Variants in ERCC1 observed in about 807,000 individuals in gnomAD.
ERCC1 encodes DNA excision repair protein ERCC-1.
Under a neutral mutation model 37.6 loss-of-function variants are expected in ERCC1, and 36 were observed. The observed-to-expected ratio is 0.96, with a 90% CI of 0.73 to 1.26. The LOEUF (loss-of-function observed/expected upper bound fraction) is 1.26. Among genes scored for constraint, ERCC1 ranks in the 50% most tolerant of loss-of-function variants. ERCC1 has a pLI of 0.00. For missense variants in ERCC1, 349 were observed against 376.5 expected, an observed-to-expected ratio of 0.93 and a Z score of 0.60; for synonymous variants, 156 against 162.1, an observed-to-expected ratio of 0.96 and a Z score of 0.28.
At chr19:45,411,364 C>T (rs932220225) in intron 9 of ERCC1, among the ~76,000 whole-genome samples, 1 of 152,054 alleles carries the variant, frequency 6.6e-6, no homozygotes, top group African/African-American at 2.4e-5. Flanking sequence ...TTAGAGGAGC[C>T]TCCAAACTGT....
intron 9 of ERCC1, among the ~76,000 whole-genome samples, chr19:45,412,017 C>T (rs1435782263): frequency 1.3e-5 from 2 of 151,528 alleles, no homozygotes; most frequent in Admixed American, 6.6e-5. Context: ...CCACCACACC[C>T]AGCTAATTTT....
At chr19:45,436,027 A>C (rs1233686482) in intron 1 of ERCC1, among the ~76,000 whole-genome samples, 1 of 152,030 alleles carries the variant, frequency 6.6e-6, no homozygotes, top group African/African-American at 2.4e-5. Context: ...CATCCTCCCA[A>C]AGTGCTGAGA....
Position 45,407,485 on chromosome 19 carries a change from G to A in ERCC1, c.*2190C>T. The A allele has an allele frequency of 6.4e-6, 3 of 465,868 alleles. No individual in the cohort carries two copies. The highest frequency in any genetic ancestry group is 1.1e-5 in the Non-Finnish European group (3 of 266,642). 28.9% of individuals were successfully genotyped at this position (465,868 alleles called of 1,614,324 possible). Reference sequence around the variant, plus strand: ...AGTTAAACTTGGAGTGTGCAGATAAGCTCACTAAAGGTAGGGGCTATTGGT... The same window carrying A: ...AGTTAAACTTGGAGTGTGCAGATAAACTCACTAAAGGTAGGGGCTATTGGT... On this transcript the variant is annotated 3_prime_UTR_variant, in exon 10 of 10. Coordinates refer to ENST00000300853, the MANE Select transcript of ERCC1 (RefSeq NM_001983.4).
At chr19:45,443,770 T>A (rs926663645) in intron 1 of ERCC1, among the ~76,000 whole-genome samples, 4 of 151,912 alleles carry the variant, frequency 2.6e-5, no homozygotes, top group Non-Finnish European at 4.4e-5. Context: ...TGATTCACCC[T>A]TGTTTCCGGC....
Position 45,439,563 on chromosome 19 carries a change from A to G in ERCC1, c.-7-16182T>C, listed in dbSNP as rs565610293. On this transcript the variant is annotated intron_variant, in intron 1 of 8. Coordinates refer to the ERCC1 transcript ENST00000423698. Reference sequence around the variant, plus strand: ...AATAATCATAATCATAATAAAAATAAATGAATAGATAAGCTGAGACGGACT... The same window carrying G: ...AATAATCATAATCATAATAAAAATAGATGAATAGATAAGCTGAGACGGACT... 2.0e-5 allele frequency among the ~76,000 whole-genome samples: 3 copies of G among 152,254 alleles called. No individual in the cohort carries two copies. In the South Asian group the frequency reaches 6.2e-4, roughly 32 times the overall value.
Position 45,420,379 on chromosome 19 carries a change from C to A in ERCC1, c.370G>T (p.Gly124Cys), listed in dbSNP as rs1238215160. Residue 124 changes from glycine (G) to cysteine (C), a missense_variant, in exon 4 of 10, where the codon GGC becomes TGC. Transcript: ENST00000300853. The surrounding 1 kb of genome is among the most constrained non-coding windows in gnomAD (Gnocchi z 4.8). ...KFVRNVPWEF[G>C]DVIPDYVLGQ... ...AGCACATAGTCGGGAATTACGTCGC[C>A]AAATTCCCAGGGCACATTGCGCACG... 1.8e-5 allele frequency: 29 copies of A among 1,613,940 alleles called. No individual in the cohort carries two copies. The highest frequency in any genetic ancestry group is 2.5e-5 in the Non-Finnish European group (29 of 1,179,926).
chr19:45,416,636 T>G, intron 6 of ERCC1, 185 bp downstream of exon 6: 1 of 523,526 alleles, frequency 1.9e-6, no homozygotes, highest in Non-Finnish European at 3.3e-6. Flanking sequence ...AGGCTCTGTA[T>G]CAAAAAAAAA....
chr19:45,423,943 AG>A (rs1974601190), upstream of ERCC1: 1 of 1,093,010 alleles, frequency 9.1e-7, no homozygotes, highest in Non-Finnish European at 1.1e-6. Flanking sequence ...GCTCCCCAGG[AG>A]AGTAGAGCAT....
chr19:45,445,350 G>A (rs1030409639), intron 1 of ERCC1, among the ~76,000 whole-genome samples: 17 of 152,142 alleles, frequency 1.1e-4, no homozygotes, highest in African/African-American at 3.4e-4. Context: ...TCTACTATAC[G>A]CCAGGCACTG....
chr19:45,427,858 C>A (rs1024341542), upstream of ERCC1, among the ~76,000 whole-genome samples: 8 of 151,934 alleles, frequency 5.3e-5, no homozygotes, highest in African/African-American at 1.9e-4. Flanking sequence ...GGGGGCAGGA[C>A]CCCCTAGAAG....
At chr19:45,417,009 A>G in intron 5 of ERCC1, 112 bp from the exon 6 acceptor site, 1 of 761,406 alleles carries the variant, frequency 1.3e-6, no homozygotes, top group Non-Finnish European at 2.3e-6. Context: ...AGGTGGGGGA[A>G]CTGCTTGAAC....
intron 1 of ERCC1, 68 bp from the exon 2 acceptor site, chr19:45,423,449 C>T (rs965265983): frequency 3.2e-6 from 5 of 1,543,642 alleles, no homozygotes; most frequent in African/African-American, 1.4e-5. Context: ...AGCAGGAACC[C>T]CCCACTCACA....
rs2123511398 is a variant in ERCC1 at position 45,420,342 on chromosome 19, G to C, written c.407C>G (p.Thr136Ser). ...VIPDYVLGQS[T>S]CALFLSLRYH... ...AGCTCACCTGAGGAACAGGGCACAG[G>C]TGCTCTGGCCCAGCACATAGTCGGG... is the stretch of plus-strand genomic sequence containing the variant. The change falls in exon 4 of 10, where the codon ACC becomes AGC. Residue 136 changes from threonine (T) to serine (S), a missense_variant. Coordinates refer to ENST00000300853, the MANE Select transcript of ERCC1 (RefSeq NM_001983.4). This position sits in a 1 kb window ranked among gnomAD's most constrained non-coding sequence, Gnocchi z 4.8. 2 of 1,612,946 alleles carry C rather than the reference G, an allele frequency of 1.2e-6. No homozygotes were observed. The highest frequency in any genetic ancestry group is 1.7e-6 in the Non-Finnish European group (2 of 1,179,358).
At chr19:45,429,712 C>T (rs1974787303) in intron 1 of ERCC1, among the ~76,000 whole-genome samples, 1 of 152,128 alleles carries the variant, frequency 6.6e-6, no homozygotes, top group Admixed American at 6.6e-5. Context: ...AATGTTCTTC[C>T]TTGCCTTCTC....
upstream of ERCC1, among the ~76,000 whole-genome samples, chr19:45,428,218 G>C (rs1974748245): frequency 7.3e-6 from 1 of 136,902 alleles, no homozygotes; most frequent in Non-Finnish European, 1.6e-5. Flanking sequence ...CGAGTAGCTG[G>C]ACCACAGGCG....
intron 9 of ERCC1, among the ~76,000 whole-genome samples, chr19:45,413,171 C>T (rs1457365461): frequency 6.6e-6 from 1 of 152,160 alleles, no homozygotes; most frequent in Non-Finnish European, 1.5e-5. Context: ...TTCTTGTAGA[C>T]GTTTCATGCA....
Position 45,408,785 on chromosome 19 carries a change from C to T in ERCC1, c.*890G>A, listed in dbSNP as rs751480513. The T allele has an allele frequency of 1.2e-6, 2 of 1,613,700 alleles. No individual in the cohort carries two copies. ...AGAAGACAAGACAGTGAAGCAGGAA[C>T]AGATTAACACTGAGCCTCTAGAAGA... On this transcript the variant is annotated 3_prime_UTR_variant, in exon 10 of 10. Coordinates refer to ENST00000300853, the MANE Select transcript of ERCC1 (RefSeq NM_001983.4).
chr19:45,447,214 G>A (rs1163583976), intron 1 of ERCC1, among the ~76,000 whole-genome samples: 1 of 151,736 alleles, frequency 6.6e-6, no homozygotes, highest in Non-Finnish European at 1.5e-5. Context: ...CGGAAATGTG[G>A]CCTTCTGCTC....
intron 1 of ERCC1, among the ~76,000 whole-genome samples, chr19:45,447,270 CTTTT>C (rs57063523): frequency 2.9e-5 from 3 of 102,738 alleles, no homozygotes; most frequent in Non-Finnish European, 3.7e-5. Context: ...AGATTTGCTT[CTTTT>C]TTTTTTTTTT....
Sources: allele counts gnomAD v4.1 joint callset (sites outside exome capture counted in the v4.1 genomes callset), GRCh38; gene constraint gnomAD v4.1.1; non-coding constraint Gnocchi (gnomAD v3.1); transcripts MANE v1.5; gene names NCBI Gene and HGNC (gene_info 2026-07-23, HGNC 2026-07-21).